The following ISLR2 variants were observed in gnomAD, a reference collection of about 807,000 sequenced individuals.
The protein encoded by ISLR2 is immunoglobulin superfamily containing leucine rich repeat 2.
In ISLR2, 16 loss-of-function variants were observed where a neutral mutation model predicts 25.5. The ratio of observed to expected loss-of-function variants is 0.63; its 90% CI spans 0.43 to 0.95. ISLR2 has a LOEUF of 0.95. ISLR2 is among the 40% of genes least tolerant of loss of function. The pLI is 0.00. For synonymous variants in ISLR2, 508 were observed against 486.6 expected (o/e 1.04, Z -0.58); for missense variants, 883 against 1,030.7 (o/e 0.86, Z 1.96).
At chr15:74,128,477 C>G (rs1270066998), upstream of ISLR2, 1 of 456,680 alleles carries the variant, frequency 2.2e-6, no homozygotes, top group Middle Eastern at 3.3e-4. Flanking sequence ...CTTCTGCAAC[C>G]CTGTCAAGAC....
At position 74,135,103 on chromosome 15, in the gene ISLR2, T is replaced by C. The variant is rs1489063708; in HGVS notation, c.*111T>C. The stretch of plus-strand genomic sequence containing the variant: ...CCCGTCCCCAACCTTCACCTACTCC[T>C]CCCCCTTACTACTCCCCAACCTTGA... On this transcript the variant is annotated 3_prime_UTR_variant, in exon 3 of 3. Coordinates refer to ENST00000453268, the MANE Select transcript of ISLR2 (RefSeq NM_020851.3). 5.4e-6 allele frequency: 7 copies of C among 1,299,664 alleles called. No homozygotes were observed. The highest frequency in any genetic ancestry group is 7.5e-6 in the Non-Finnish European group (7 of 938,992). 80.5% of individuals were successfully genotyped at this position (1,299,664 alleles called of 1,614,324 possible).
At chr15:74,123,765 T>A (rs1284875269), upstream of ISLR2, among the ~76,000 whole-genome samples, 1 of 152,196 alleles carries the variant, frequency 6.6e-6, no homozygotes, top group Non-Finnish European at 1.5e-5. Context: ...AATATCCGAC[T>A]AAAGACTGAA....
At chr15:74,128,173 A>C, upstream of ISLR2, 1 of 300,758 alleles carries the variant, frequency 3.3e-6, no homozygotes, top group Non-Finnish European at 6.4e-6. Flanking sequence ...AGGTGCGCGC[A>C]GTCTTCTAGC....
At chr15:74,117,885 C>T (rs575488942) in intron 2 of ISLR2, among the ~76,000 whole-genome samples, 2 of 152,310 alleles carry the variant, frequency 1.3e-5, no homozygotes, top group South Asian at 2.1e-4. Flanking sequence ...CCACTGTTCT[C>T]ACCTTCCACC....
At position 74,133,311 on chromosome 15, in the gene ISLR2, G is replaced by A; in HGVS notation, c.557G>A (p.Gly186Asp). ...CTCTATCACAATCCCTTCCACTGCG[G>A]CTGCGGCCTTGTGTGGCTGCAGGCC... ...LQLYHNPFHC[G>D]CGLVWLQAWA... is the part of the protein sequence containing the mutation. Residue 186 changes from glycine to aspartate, a missense_variant, in exon 3 of 3, where the codon GGC becomes GAC. Transcript: ENST00000453268. 1 of 1,610,214 alleles carries A rather than the reference G, an allele frequency of 6.2e-7. No individual in the cohort carries two copies. Among genetic ancestry groups the A allele is most frequent in the Non-Finnish European group, 8.5e-7 (1 of 1,179,884 alleles).
At chr15:74,109,234 T>G (rs1454297744) in intron 2 of ISLR2, among the ~76,000 whole-genome samples, 2 of 152,080 alleles carry the variant, frequency 1.3e-5, no homozygotes, top group African/African-American at 4.8e-5. Flanking sequence ...AGCTGGATTT[T>G]TCACTCAGCA....
chr15:74,129,430 C>T, upstream of ISLR2: 1 of 195,692 alleles, frequency 5.1e-6, no homozygotes, highest in Non-Finnish European at 1.1e-5. This position sits in a 1 kb window ranked among gnomAD's most constrained non-coding sequence, Gnocchi z 4.5. Context: ...TCGAGAGACC[C>T]CCATGGCCCG....
upstream of ISLR2, chr15:74,128,694 G>A (rs576402648): frequency 6.6e-5 from 30 of 455,354 alleles, no homozygotes; most frequent in East Asian, 2.1e-3. Context: ...CTCCCCGCCT[G>A]GCGCCCCTCA....
chr15:74,125,672 A>C (rs1234314925), upstream of ISLR2, among the ~76,000 whole-genome samples: 1 of 152,242 alleles, frequency 6.6e-6, no homozygotes, highest in Non-Finnish European at 1.5e-5. Flanking sequence ...ATGGCAATAA[A>C]AGGCCTTGCC....
intron 2 of ISLR2, among the ~76,000 whole-genome samples, chr15:74,119,566 C>G (rs533807414): frequency 3.3e-5 from 5 of 152,130 alleles, no homozygotes; most frequent in South Asian, 2.1e-4. Flanking sequence ...CCTTCCTCAC[C>G]GCTAGTAAAC....
rs532710329 is a variant in ISLR2, at chr15:74,121,006, T to G, written n.229-10201T>G. Among the ~76,000 whole-genome samples, 26 of 150,088 alleles carry G rather than the reference T, an allele frequency of 1.7e-4. No individual in the cohort carries two copies. The South Asian group carries it at 2.2e-3, about 13-fold the overall frequency. ...TCTCCTCCCCTGCCCACCCTATCCC[T>G]CTTCCCTTCCCCTTCCTCTCTCACT... On this transcript the variant is annotated intron_variant and non_coding_transcript_variant, in intron 2 of 3. Transcript: ENST00000561975.
At chr15:74,107,473 A>G (rs1264599178) in intron 2 of ISLR2, among the ~76,000 whole-genome samples, 2 of 152,130 alleles carry the variant, frequency 1.3e-5, no homozygotes, top group African/African-American at 4.8e-5. Flanking sequence ...TTGGAAATAG[A>G]GGATGTCCCC....
chr15:74,132,749 G>A lies in ISLR2; in HGVS notation c.-6G>A. On this transcript the variant is annotated splice_region_variant and 5_prime_UTR_variant, in exon 3 of 3. Transcript: ENST00000453268. The surrounding 1 kb of genome is among the most constrained non-coding windows in gnomAD (Gnocchi z 4.3). ...CTTCACCTGGCTTCCATCTGCAGGA[G>A]CCGCGATGTTCCCCCTTCGGGCCCT... 6.2e-7 allele frequency: 1 copy of A among 1,605,142 alleles called. No homozygotes were observed. The highest frequency in any genetic ancestry group is 8.5e-7 in the Non-Finnish European group (1 of 1,172,776).
intron 2 of ISLR2, among the ~76,000 whole-genome samples, chr15:74,106,442 A>G (rs1265428179): frequency 6.6e-6 from 1 of 151,956 alleles, no homozygotes; most frequent in Non-Finnish European, 1.5e-5. Context: ...CACCTCCCCA[A>G]AGGGACCCCT....
intron 2 of ISLR2, among the ~76,000 whole-genome samples, chr15:74,105,008 T>A (rs1291496917): frequency 2.1e-5 from 1 of 47,986 alleles, no homozygotes; most frequent in South Asian, 7.5e-4. Flanking sequence ...GATTAAGAAA[T>A]GTACTGCATC....
upstream of ISLR2, among the ~76,000 whole-genome samples, chr15:74,125,057 C>G (rs2072283397): frequency 6.6e-6 from 1 of 152,190 alleles, no homozygotes; most frequent in Admixed American, 6.5e-5. Flanking sequence ...CCAGCCCCCA[C>G]TCCCCTGCCT....
chr15:74,133,795 C>G lies in ISLR2; in HGVS notation c.1041C>G (p.Ala347=). The G allele has an allele frequency of 6.2e-7, 1 of 1,613,968 alleles. No individual in the cohort carries two copies. Among genetic ancestry groups the G allele is most frequent in the Non-Finnish European group, 8.5e-7 (1 of 1,179,920 alleles). Residue 347 remains alanine, a synonymous_variant, in exon 3 of 3, where the codon GCC becomes GCG. Transcript: ENST00000453268. The part of the protein sequence containing the change: ...NGSLLVPLLS[A]KEAGVYTCRA... The stretch of plus-strand genomic sequence containing the variant: ...CCCTGTTGGTGCCCCTCCTGAGTGC[C>G]AAGGAGGCGGGCGTCTACACTTGCC...
chr15:74,128,370 T>C, upstream of ISLR2: 1 of 440,378 alleles, frequency 2.3e-6, no homozygotes, highest in Non-Finnish European at 4.5e-6. Flanking sequence ...TAGAGTGAGC[T>C]AGAGCCTCCG....
At position 74,134,167 on chromosome 15, in the gene ISLR2, C is replaced by T. The variant is rs998014732; in HGVS notation, c.1413C>T (p.His471=). 6.2e-7 allele frequency: 1 copy of T among 1,613,068 alleles called. No individual in the cohort carries two copies. Among genetic ancestry groups the T allele is most frequent in the Non-Finnish European group, 8.5e-7 (1 of 1,179,690 alleles). ...NGDPSRYVSN[H]AFNQSAELKP... ...ACCCCTCTCGGTACGTTTCTAACCA[C>T]GCGTTCAACCAGAGCGCAGAGCTCA... Residue 471 remains histidine (H), a synonymous_variant, in exon 3 of 3, where the codon CAC becomes CAT. Transcript: ENST00000453268.
Sources: allele counts gnomAD v4.1 joint callset (sites outside exome capture counted in the v4.1 genomes callset), GRCh38; gene constraint gnomAD v4.1.1; non-coding constraint Gnocchi (gnomAD v3.1); transcripts MANE v1.5; gene names NCBI Gene and HGNC (gene_info 2026-07-23, HGNC 2026-07-21).